The following PMM2 variants were observed in gnomAD, a reference collection of about 807,000 sequenced individuals.
PMM2 encodes the protein phosphomannomutase 2.
In PMM2, 35 loss-of-function variants were observed where a neutral mutation model predicts 33.2. The observed-to-expected ratio is 1.06, with a 90% confidence interval of 0.81 to 1.40. PMM2 has a LOEUF of 1.40. Among genes scored for constraint, PMM2 ranks in the 40% most tolerant of loss-of-function variants. The pLI is 0.00. For missense variants in PMM2, 386 were observed against 306.0 expected (o/e 1.26, Z -1.95); for synonymous variants, 153 against 114.7 (o/e 1.33, Z -2.13).
chr16:8,847,377 T>A (rs1285656405), intron 7 of PMM2, among the ~76,000 whole-genome samples: 25 of 140,826 alleles, frequency 1.8e-4, no homozygotes, highest in South Asian at 2.3e-4. Context: ...TAGGTACAGC[T>A]AAAAAAAAAA....
chr16:8,839,438 A>G (rs2060874756), intron 7 of PMM2, among the ~76,000 whole-genome samples: 1 of 151,978 alleles, frequency 6.6e-6, no homozygotes, highest in Admixed American at 6.6e-5. Flanking sequence ...CTGATGGGGT[A>G]ACTGCATAGA....
chr16:8,824,354 C>T (rs773801102), intron 7 of PMM2, among the ~76,000 whole-genome samples: 3 of 152,142 alleles, frequency 2.0e-5, no homozygotes, highest in Non-Finnish European at 4.4e-5. Context: ...AAAACCAAGA[C>T]AGCAACTGCC....
At chr16:8,846,080 G>C (rs930991237) in intron 7 of PMM2, among the ~76,000 whole-genome samples, 2 of 152,228 alleles carry the variant, frequency 1.3e-5, no homozygotes, top group African/African-American at 2.4e-5. Context: ...GGCCCTGACA[G>C]GTTCCCAAGT....
At chr16:8,832,465 C>T in intron 7 of PMM2, 5 of 985,428 alleles carry the variant, frequency 5.1e-6, no homozygotes, top group Non-Finnish European at 6.0e-6. Flanking sequence ...CAGCCCCCAG[C>T]AGGACCACGG....
At chr16:8,839,656 T>A (rs2060876159) in intron 7 of PMM2, among the ~76,000 whole-genome samples, 1 of 151,940 alleles carries the variant, frequency 6.6e-6, no homozygotes, top group African/African-American at 2.4e-5. Flanking sequence ...TTTTTAAGTT[T>A]GTCAGTATTG....
chr16:8,845,426 C>A (rs1029939667), intron 7 of PMM2, among the ~76,000 whole-genome samples: 2 of 152,092 alleles, frequency 1.3e-5, no homozygotes, highest in African/African-American at 4.8e-5. Context: ...ATAGGGGATG[C>A]GATGGCTTGG....
At chr16:8,847,227 C>T (rs1000266355) in intron 7 of PMM2, among the ~76,000 whole-genome samples, 1 of 152,124 alleles carries the variant, frequency 6.6e-6, no homozygotes, top group Non-Finnish European at 1.5e-5. Flanking sequence ...GGCCACGTTT[C>T]AAGTGTGCAG....
At chr16:8,818,909 A>C (rs1457500416) in intron 7 of PMM2, among the ~76,000 whole-genome samples, 8 of 150,034 alleles carry the variant, frequency 5.3e-5, no homozygotes, top group Admixed American at 5.3e-4. Flanking sequence ...CACACACCAC[A>C]CATGGCTCTG....
intron 7 of PMM2, among the ~76,000 whole-genome samples, chr16:8,841,691 G>GA (rs2060891884): frequency 7.4e-6 from 1 of 135,178 alleles, no homozygotes; most frequent in South Asian, 2.5e-4. Context: ...AATCAAGCGT[G>GA]ATCAGGGTGA....
chr16:8,848,858 G>A lies in PMM2; in HGVS notation c.*1033G>A, dbSNP rs547102016. 1.3e-5 allele frequency: 2 copies of A among 152,366 alleles called. No individual in the cohort carries two copies. Among genetic ancestry groups the A allele is most frequent in the South Asian group, 4.1e-4 (2 of 4,834 alleles). 9.4% of individuals were successfully genotyped at this position (152,366 alleles called of 1,614,324 possible). On this transcript the variant is annotated 3_prime_UTR_variant, in exon 8 of 8. Coordinates refer to ENST00000268261, the MANE Select transcript of PMM2 (RefSeq NM_000303.3). ...TGAGTGCAGCTACAGCTAGGTCCGC[G>A]TCCCTCACTCTTTTCATCTTCTGCA... is the stretch of plus-strand genomic sequence containing the variant.
chr16:8,804,912 A>C (rs2060638403), intron 3 of PMM2, 69 bp downstream of exon 3: 1 of 957,606 alleles, frequency 1.0e-6, no homozygotes, highest in Non-Finnish European at 1.7e-6. Context: ...TTTCACAATG[A>C]ATGCCTCTAG....
chr16:8,838,849 C>A (rs1489683219), intron 7 of PMM2, among the ~76,000 whole-genome samples: 1 of 151,900 alleles, frequency 6.6e-6, no homozygotes, highest in Non-Finnish European at 1.5e-5. Context: ...TGTTGTCATA[C>A]ATCAGGCCAG....
At chr16:8,828,330 A>T (rs1275236712) in intron 7 of PMM2, among the ~76,000 whole-genome samples, 2 of 152,138 alleles carry the variant, frequency 1.3e-5, no homozygotes, top group Non-Finnish European at 2.9e-5. Flanking sequence ...GAATCAATAA[A>T]TGGCACACAA....
intron 1 of PMM2, among the ~76,000 whole-genome samples, chr16:8,799,919 G>A (rs992135352): frequency 1.3e-5 from 2 of 152,154 alleles, no homozygotes; most frequent in Non-Finnish European, 2.9e-5. Flanking sequence ...AGAAAAGATT[G>A]CACTCTATTA....
chr16:8,800,893 A>T (rs1263600024), intron 1 of PMM2, among the ~76,000 whole-genome samples: 2 of 152,232 alleles, frequency 1.3e-5, no homozygotes, highest in East Asian at 1.9e-4. Context: ...CACGTTGGCC[A>T]GGCTGATCTC....
chr16:8,845,197 T>C (rs1215861586), intron 7 of PMM2, among the ~76,000 whole-genome samples: 3 of 152,130 alleles, frequency 2.0e-5, no homozygotes, highest in East Asian at 1.9e-4. Context: ...TTAAGAGCAA[T>C]GTTTTGCGGG....
Position 8,801,872 on chromosome 16 carries a change from C to A in PMM2, c.140C>A (p.Ser47Ter), listed in dbSNP as rs138306798. 1 of 1,611,708 alleles carries A rather than the reference C, an allele frequency of 6.2e-7. No homozygotes were observed. Among genetic ancestry groups the A allele is most frequent in the South Asian group, 1.1e-5 (1 of 90,962 alleles). The change falls in exon 2 of 8, where the codon TCG becomes TAG. Residue 47 changes from serine to a stop codon, truncating the protein, a stop_gained. Transcript: ENST00000268261. LOFTEE classifies it high-confidence loss of function. ...ATCAAAATCGGAGTGGTAGGCGGAT[C>A]GGACTTTGAGAAAGTGCAGGAGCAA... ...QKIKIGVVGG[S>*]DFEKVQEQLG...
At chr16:8,838,831 T>A (rs1276031524) in intron 7 of PMM2, among the ~76,000 whole-genome samples, 1 of 151,904 alleles carries the variant, frequency 6.6e-6, no homozygotes, top group East Asian at 1.9e-4. Context: ...TATGCTTGAG[T>A]TTTTTTATGT....
chr16:8,816,910 A>C (rs1430110847), intron 7 of PMM2, among the ~76,000 whole-genome samples: 1 of 152,234 alleles, frequency 6.6e-6, no homozygotes, highest in Non-Finnish European at 1.5e-5. Context: ...ATATATATCC[A>C]AAATAATTGA....
Sources: allele counts gnomAD v4.1 joint callset (sites outside exome capture counted in the v4.1 genomes callset), GRCh38; gene constraint gnomAD v4.1.1; transcripts MANE v1.5; gene names NCBI Gene and HGNC (gene_info 2026-07-23, HGNC 2026-07-21).